GALK2: variants seen among roughly 807,000 people sequenced by gnomAD.
GALK2 encodes the protein galactokinase 2.
Under a neutral mutation model 52.4 loss-of-function variants are expected in GALK2, and 36 were observed. The observed-to-expected ratio is 0.69, with a 90% CI of 0.53 to 0.91. The LOEUF is 0.91. Among genes scored for constraint, GALK2 ranks in the 40% least tolerant of loss-of-function variants. GALK2 has a pLI of 0.00. For synonymous variants in GALK2, 176 were observed against 199.1 expected (o/e 0.88, Z 0.98); for missense variants, 579 against 559.1 (o/e 1.04, Z -0.36).
intron 5 of GALK2, among the ~76,000 whole-genome samples, chr15:49,241,609 A>G (rs2091097458): frequency 6.6e-6 from 1 of 152,238 alleles, no homozygotes; most frequent in African/African-American, 2.4e-5. Flanking sequence ...AATGGGTTGA[A>G]GGGTCTATAA....
In GALK2 at chr15:49,319,792, G is replaced by C; in HGVS notation, c.1156G>C (p.Val386Leu). Residue 386 changes from valine to leucine, a missense_variant, in exon 9 of 10, where the codon GTG (valine) becomes CTG (leucine). By Grantham distance (32) the Val-to-Leu change is conservative. Transcript: ENST00000560031. Reference protein sequence around the residue: ...ECSCPELDQLVDICRKFGAQG... With the variant: ...ECSCPELDQLLDICRKFGAQG... Reference sequence around the variant, plus strand: ...CAGCTGCCCCGAGCTGGATCAGCTGGTGGACATCTGTCGGTGAGGCAGCCT... The same window carrying C: ...CAGCTGCCCCGAGCTGGATCAGCTGCTGGACATCTGTCGGTGAGGCAGCCT... 2.5e-6 allele frequency: 4 copies of C among 1,613,600 alleles called. No individual in the cohort carries two copies. The highest frequency in any genetic ancestry group is 3.4e-6 in the Non-Finnish European group (4 of 1,179,910).
intron 3 of GALK2, among the ~76,000 whole-genome samples, chr15:49,229,234 C>T (rs540975253): frequency 6.6e-5 from 10 of 152,282 alleles, no homozygotes; most frequent in Non-Finnish European, 1.3e-4. Context: ...TGGCTATAAA[C>T]AGTATCACTG....
intron 2 of GALK2, among the ~76,000 whole-genome samples, chr15:49,208,607 T>A (rs2088528419): frequency 6.6e-6 from 1 of 152,210 alleles, no homozygotes; most frequent in Admixed American, 6.5e-5. Context: ...CCATGCCCTG[T>A]TGAAAAGGAT....
intron 3 of GALK2, among the ~76,000 whole-genome samples, chr15:49,219,656 A>G (rs1205991955): frequency 6.6e-6 from 1 of 152,082 alleles, no homozygotes; most frequent in African/African-American, 2.4e-5. Context: ...TAAGAATACA[A>G]AAAAATTAGT....
At chr15:49,235,693 A>T in intron 3 of GALK2, 158 bp from the exon 4 acceptor site, 2 of 756,594 alleles carry the variant, frequency 2.6e-6, no homozygotes, top group Non-Finnish European at 4.9e-6. Flanking sequence ...CTTAACTCTT[A>T]GCAGCTGGAG....
intron 5 of GALK2, among the ~76,000 whole-genome samples, chr15:49,241,436 G>A (rs2091089085): frequency 6.6e-6 from 1 of 152,172 alleles, no homozygotes; most frequent in Non-Finnish European, 1.5e-5. Flanking sequence ...AGAAAAACCA[G>A]AAAGGTGAGG....
At chr15:49,177,723 C>T in intron 1 of GALK2, 1 of 767,492 alleles carries the variant, frequency 1.3e-6, no homozygotes, top group Non-Finnish European at 1.9e-6. Flanking sequence ...CTGCAGATGT[C>T]AGCCCATGCA....
chr15:49,270,375 G>A (rs1455825549), intron 5 of GALK2, among the ~76,000 whole-genome samples: 7 of 152,124 alleles, frequency 4.6e-5, no homozygotes, highest in Admixed American at 4.6e-4. Flanking sequence ...TTCAGAAGAG[G>A]CAGTATTTTC....
intron 3 of GALK2, chr15:49,366,116 C>T: frequency 1.0e-6 from 1 of 969,024 alleles, no homozygotes. Flanking sequence ...AACTAGTCCA[C>T]TCCAGTATCC....
chr15:49,355,004 C>G (rs544513663), intron 3 of GALK2, among the ~76,000 whole-genome samples: 1 of 151,074 alleles, frequency 6.6e-6, no homozygotes, highest in South Asian at 2.1e-4. Flanking sequence ...CGGCAGGGTA[C>G]TCCAACAGAC....
chr15:49,261,861 G>A (rs947298355), intron 5 of GALK2, among the ~76,000 whole-genome samples: 1 of 151,984 alleles, frequency 6.6e-6, no homozygotes, highest in African/African-American at 2.4e-5. Flanking sequence ...TTTATATGCT[G>A]GATTACATTT....
At position 49,202,690 on chromosome 15, in the gene GALK2, T is replaced by C. The variant is rs1473886532; in HGVS notation, c.142+1440T>C. Reference sequence around the variant, plus strand: ...AGAGCCACATATCTCTTTGACATACTGATGTCCTTTTCTTTGGATATATAC... The same window carrying C: ...AGAGCCACATATCTCTTTGACATACCGATGTCCTTTTCTTTGGATATATAC... On this transcript the variant is annotated intron_variant, in intron 2 of 9. Transcript: ENST00000560031. Among the ~76,000 whole-genome samples, 3 of 152,208 alleles carry C rather than the reference T, an allele frequency of 2.0e-5. No individual in the cohort carries two copies. In the East Asian group the frequency reaches 5.8e-4, roughly 29 times the overall value.
At chr15:49,353,667 G>A (rs1181079043) in intron 3 of GALK2, 1 of 146,812 alleles carries the variant, frequency 6.8e-6, no homozygotes, top group Non-Finnish European at 1.5e-5. Flanking sequence ...CTTTCTTGCA[G>A]TATAGGCTTT....
In GALK2 at chr15:49,239,240, A is replaced by T. The variant is rs2090979964; in HGVS notation, c.377A>T (p.Asn126Ile). 2 of 1,614,032 alleles carry T rather than the reference A, an allele frequency of 1.2e-6. No homozygotes were observed. The highest frequency in any genetic ancestry group is 1.7e-6 in the Non-Finnish European group (2 of 1,179,944). Residue 126 changes from asparagine (N) to isoleucine (I), a missense_variant, in exon 5 of 10, where the codon AAC becomes ATC. Asn to Ile is a moderately radical substitution (Grantham distance 149). Transcript: ENST00000560031. Reference protein sequence around the residue: ...KGIQEHFGLSNLTGMNCLVDG... With the variant: ...KGIQEHFGLSILTGMNCLVDG... ...TCTTAGGAACACTTTGGTCTTAGTA[A>T]CCTGACTGGAATGAACTGCCTGGTA...
intron 3 of GALK2, among the ~76,000 whole-genome samples, chr15:49,354,776 C>A (rs997601254): frequency 6.6e-6 from 1 of 152,066 alleles, no homozygotes; most frequent in African/African-American, 2.4e-5. Flanking sequence ...TAGGCTCCAC[C>A]TCTGGGGGCA....
At chr15:49,326,716 A>T (rs995597237) in intron 9 of GALK2, among the ~76,000 whole-genome samples, 1 of 152,174 alleles carries the variant, frequency 6.6e-6, no homozygotes, top group Non-Finnish European at 1.5e-5. Flanking sequence ...ATAGGAGGAG[A>T]TCAGTGATGT....
intron 1 of GALK2, chr15:49,195,190 G>A (rs981436114): frequency 5.4e-5 from 23 of 427,526 alleles, no homozygotes; most frequent in Admixed American, 7.9e-5. Context: ...TCCTGCCTCC[G>A]CCTCCGGAGT....
At chr15:49,291,909 C>T (rs2033975219) in intron 7 of GALK2, among the ~76,000 whole-genome samples, 1 of 152,178 alleles carries the variant, frequency 6.6e-6, no homozygotes, top group Non-Finnish European at 1.5e-5. Context: ...GTACAGTATC[C>T]TCTCAGGACC....
chr15:49,165,631 TA>T (rs1335923935), upstream of GALK2, among the ~76,000 whole-genome samples: 1 of 152,086 alleles, frequency 6.6e-6, no homozygotes, highest in Non-Finnish European at 1.5e-5. Context: ...GTCAATAATT[TA>T]AAATATTATA....
Sources: gnomAD v4.1 joint callset for allele counts (sites outside exome capture counted in the v4.1 genomes callset) on GRCh38, gnomAD v4.1.1 for gene constraint, MANE v1.5 for transcripts, NCBI Gene and HGNC (gene_info 2026-07-23, HGNC 2026-07-21) for gene names.